Variants in BAALC observed in about 807,000 individuals in gnomAD.
The protein encoded by BAALC is BAALC binder of MAP3K1 and KLF4, also known as brain and acute leukemia cytoplasmic protein.
Under a neutral mutation model 15.5 loss-of-function variants are expected in BAALC, and 9 were observed. That is an observed-to-expected ratio of 0.58 (90% CI 0.35 to 1.02). BAALC has a LOEUF of 1.02. BAALC is among the 50% of genes least tolerant of loss of function. BAALC has a pLI of 0.02. For missense variants in BAALC, 201 were observed against 192.4 expected (o/e 1.04, Z -0.27); for synonymous variants, 80 against 74.6 (o/e 1.07, Z -0.37).
intron 1 of BAALC, among the ~76,000 whole-genome samples, chr8:103,160,929 A>C (rs1811210268): frequency 6.6e-6 from 1 of 152,092 alleles, no homozygotes; most frequent in African/African-American, 2.4e-5. Context: ...CACTGACTCA[A>C]ATGTTAATCT....
At position 103,228,071 on chromosome 8, in the gene BAALC, G is replaced by A. The variant is rs781324772; in HGVS notation, c.410G>A (p.Arg137Gln). 45 of 1,612,912 alleles carry A rather than the reference G, an allele frequency of 2.8e-5. No individual in the cohort carries two copies. The Middle Eastern group carries it at 5.0e-4, about 18-fold the overall frequency. Residue 137 changes from arginine to glutamine, a missense_variant, in exon 3 of 3, where the codon CGA becomes CAA. Physicochemically the swap from Arg to Gln is conservative, Grantham distance 43. Transcript: ENST00000309982. ...TDSIQQMDRSRRITKNCVN is the reference protein window; with the variant it reads ...TDSIQQMDRSQRITKNCVN ...AGCATCCAACAGATGGACAGAAGTC[G>A]AAGAATCACAAAGAACTGTGTCAAC...
At chr8:103,152,050 A>G (rs1385030000) in intron 1 of BAALC, among the ~76,000 whole-genome samples, 1 of 152,056 alleles carries the variant, frequency 6.6e-6, no homozygotes, top group Non-Finnish European at 1.5e-5. Flanking sequence ...GCCTGCTTCC[A>G]TTCATACCCT....
intron 2 of BAALC, among the ~76,000 whole-genome samples, chr8:103,220,791 C>A (rs944778992): frequency 6.6e-6 from 1 of 152,142 alleles, no homozygotes; most frequent in Non-Finnish European, 1.5e-5. Flanking sequence ...CTTCTCTACT[C>A]TTTGAATTTC....
chr8:103,211,377 T>C (rs1395273148), intron 1 of BAALC, among the ~76,000 whole-genome samples: 3 of 152,254 alleles, frequency 2.0e-5, no homozygotes, highest in East Asian at 1.9e-4. Context: ...AGCTTCTCTA[T>C]TGAGGGTTTT....
intron 1 of BAALC, among the ~76,000 whole-genome samples, chr8:103,142,483 T>TAAA (rs1810799309): frequency 6.6e-6 from 1 of 152,142 alleles, no homozygotes. Context: ...ATATGAGCCT[T>TAAA]TTAGAGGGAC....
chr8:103,189,455 C>G (rs1811918047), intron 1 of BAALC, among the ~76,000 whole-genome samples: 1 of 152,196 alleles, frequency 6.6e-6, no homozygotes, highest in East Asian at 1.9e-4. Context: ...TTAGCAGAGA[C>G]AGCTGAGCAA....
At chr8:103,142,319 A>G (rs964607503) in intron 1 of BAALC, among the ~76,000 whole-genome samples, 1 of 152,208 alleles carries the variant, frequency 6.6e-6, no homozygotes, top group African/African-American at 2.4e-5. Flanking sequence ...AAAATTGAGG[A>G]CTGTCTGTGA....
intron 1 of BAALC, among the ~76,000 whole-genome samples, chr8:103,146,966 C>T (rs1810893144): frequency 6.6e-6 from 1 of 152,180 alleles, no homozygotes; most frequent in Non-Finnish European, 1.5e-5. Flanking sequence ...AGGGCTTGGT[C>T]ATTCCTCTGT....
At chr8:103,224,544 A>C (rs948737559) in intron 2 of BAALC, among the ~76,000 whole-genome samples, 5 of 152,162 alleles carry the variant, frequency 3.3e-5, no homozygotes, top group Admixed American at 6.5e-5. Context: ...GGTTAAGGTA[A>C]AGGATTGTGG....
At chr8:103,176,718 G>C (rs753428977) in intron 1 of BAALC, among the ~76,000 whole-genome samples, 4 of 152,156 alleles carry the variant, frequency 2.6e-5, no homozygotes, top group Non-Finnish European at 5.9e-5. Context: ...CTGCATGAAG[G>C]GTTCAGACTC....
chr8:103,203,518 C>A (rs1231242792), intron 1 of BAALC, among the ~76,000 whole-genome samples: 1 of 152,064 alleles, frequency 6.6e-6, no homozygotes, highest in Non-Finnish European at 1.5e-5. Context: ...GCAACCACCC[C>A]CACAATCAAT....
intron 1 of BAALC, among the ~76,000 whole-genome samples, chr8:103,167,720 A>G (rs993171502): frequency 7.2e-5 from 11 of 152,312 alleles, no homozygotes; most frequent in African/African-American, 2.2e-4. Context: ...CATGCAAGCC[A>G]TGAGTGAGGG....
In BAALC at chr8:103,227,989, G is replaced by A. The variant is rs1056613481; in HGVS notation, c.328G>A (p.Ala110Thr). 1 of 1,606,728 alleles carries A rather than the reference G, an allele frequency of 6.2e-7. No homozygotes were observed. Among genetic ancestry groups the A allele is most frequent in the Non-Finnish European group, 8.5e-7 (1 of 1,173,960 alleles). Residue 110 changes from alanine to threonine, a missense_variant and splice_region_variant, in exon 3 of 3, where the codon GCT becomes ACT. Coordinates refer to ENST00000309982, the MANE Select transcript of BAALC (RefSeq NM_024812.3). Reference sequence around the variant, plus strand: ...CAATTCACTGTTTTCAACTTAACAGGCTAAAAGAGATGCTAAGAGAATGCC... The same window carrying A: ...CAATTCACTGTTTTCAACTTAACAGACTAAAAGAGATGCTAAGAGAATGCC... ...QKQNGLQTTE[A>T]KRDAKRMPAK...
intron 1 of BAALC, among the ~76,000 whole-genome samples, chr8:103,159,179 C>T (rs1451618266): frequency 2.6e-5 from 4 of 152,236 alleles, no homozygotes; most frequent in African/African-American, 4.8e-5. Flanking sequence ...TTCTTTCCAT[C>T]GTGTGGTTCT....
At chr8:103,185,365 A>AT (rs781675395) in intron 1 of BAALC, among the ~76,000 whole-genome samples, 1 of 151,210 alleles carries the variant, frequency 6.6e-6, no homozygotes, top group South Asian at 2.1e-4. Context: ...CTACTTTTCT[A>AT]TTTTTTTCCT....
intron 1 of BAALC, among the ~76,000 whole-genome samples, chr8:103,161,823 G>A (rs2129907471): frequency 6.6e-6 from 1 of 152,250 alleles, no homozygotes; most frequent in South Asian, 2.1e-4. Context: ...ACTTTAGTAG[G>A]TAAGGAATTG....
At chr8:103,151,568 C>T (rs1810990025) in intron 1 of BAALC, among the ~76,000 whole-genome samples, 2 of 152,148 alleles carry the variant, frequency 1.3e-5, no homozygotes, top group East Asian at 1.9e-4. Context: ...CTGTTCCTTA[C>T]ACTCTTGTTT....
intron 1 of BAALC, among the ~76,000 whole-genome samples, chr8:103,173,015 T>A (rs1408542186): frequency 3.3e-5 from 5 of 152,238 alleles, no homozygotes; most frequent in African/African-American, 1.2e-4. Context: ...GGAAACTGAA[T>A]CACAAACATT....
chr8:103,195,862 C>A (rs1812084276), intron 1 of BAALC, among the ~76,000 whole-genome samples: 1 of 152,146 alleles, frequency 6.6e-6, no homozygotes, highest in African/African-American at 2.4e-5. Flanking sequence ...CATGGAGCTC[C>A]CAGACCAATG....
Sources: allele counts gnomAD v4.1 joint callset (sites outside exome capture counted in the v4.1 genomes callset), GRCh38; gene constraint gnomAD v4.1.1; transcripts MANE v1.5; gene names NCBI Gene and HGNC (gene_info 2026-07-23, HGNC 2026-07-21).